The following DHX38 variants were observed in gnomAD, a reference collection of about 807,000 sequenced individuals.
DHX38 encodes pre-mRNA-splicing factor ATP-dependent RNA helicase PRP16.
DHX38 carries 100 observed loss-of-function variants against 153.1 expected under a neutral mutation model. That is an observed-to-expected ratio of 0.65 (90% CI 0.56 to 0.77). DHX38 has a LOEUF of 0.77. Among genes scored for constraint, DHX38 ranks in the 30% least tolerant of loss-of-function variants. The pLI, the probability that DHX38 is intolerant of heterozygous loss-of-function variation, is 0.00. For synonymous variants in DHX38, 650 were observed against 631.7 expected (o/e 1.03, Z -0.43); for missense variants, 1,440 against 1,654.0 (o/e 0.87, Z 2.24).
At position 72,096,176 on chromosome 16, in the gene DHX38, G is replaced by C; in HGVS notation, c.19G>C (p.Asp7His). 1 of 1,602,994 alleles carries C rather than the reference G, an allele frequency of 6.2e-7. No individual in the cohort carries two copies. Among genetic ancestry groups the C allele is most frequent in the Non-Finnish European group, 8.5e-7 (1 of 1,171,160 alleles). ...TCCTGTGATGGGGGACACCAGTGAG[G>C]ATGCCTCGATCCATCGATTGGAAGG... Reference protein sequence around the residue: MGDTSEDASIHRLEGTD... With the variant: MGDTSEHASIHRLEGTD... Residue 7 changes from aspartate (D) to histidine (H), a missense_variant, in exon 2 of 27, where the codon GAT becomes CAT. Physicochemically the swap from Asp to His is moderately conservative, Grantham distance 81 (BLOSUM62 -1). This residue lies in a region of DHX38 where 483 missense variants were observed against 465.1 expected (regional missense o/e 1.04). Coordinates refer to ENST00000268482, the MANE Select transcript of DHX38 (RefSeq NM_014003.4).
rs759604056 is a variant in DHX38 at position 72,108,541 on chromosome 16, C to T, written c.3189C>T (p.Gly1063=). 3 of 1,614,200 alleles carry T rather than the reference C, an allele frequency of 1.9e-6. No individual in the cohort carries two copies. The highest frequency in any genetic ancestry group is 2.7e-5 in the African/African-American group (2 of 75,042). The part of the protein sequence containing the change: ...VQQRMSLASC[G]TDWDIVRKCI... Reference sequence around the variant, plus strand: ...AGCGGATGAGCCTGGCCTCGTGTGGCACTGACTGGGACATCGTCAGGAAGT... The same window carrying T: ...AGCGGATGAGCCTGGCCTCGTGTGGTACTGACTGGGACATCGTCAGGAAGT... Residue 1063 remains glycine (G), a synonymous_variant, in exon 23 of 27, where the codon GGC becomes GGT. Coordinates refer to ENST00000268482, the MANE Select transcript of DHX38 (RefSeq NM_014003.4).
chr16:72,099,624 T>A, intron 7 of DHX38, 108 bp from the exon 8 acceptor site: 2 of 1,446,946 alleles, frequency 1.4e-6, no homozygotes, highest in Non-Finnish European at 1.9e-6. Flanking sequence ...CAAGGGTAGC[T>A]CCACTGCAGT....
Position 72,112,732 on chromosome 16 carries a change from G to A in DHX38, c.*235G>A. ...GCAGAGTATCCGAGGTGCTGCCGGG[G>A]CAGCGGGAGGTGGCTGGACCCATCG... On this transcript the variant is annotated 3_prime_UTR_variant, in exon 27 of 27. Transcript: ENST00000268482. The A allele has an allele frequency of 2.8e-6, 2 of 705,252 alleles. No individual in the cohort carries two copies. Among genetic ancestry groups the A allele is most frequent in the Non-Finnish European group, 2.6e-6 (1 of 387,198 alleles). The allele number at this position is 705,252 out of a possible 1,614,324, so 43.7% of individuals were successfully genotyped here. A position where few individuals can be genotyped will look rare whatever the true frequency, so the allele number is the denominator to read the frequency against.
intron 3 of DHX38, 108 bp downstream of exon 3, chr16:72,097,117 T>C: frequency 7.9e-7 from 1 of 1,259,248 alleles, no homozygotes; most frequent in Non-Finnish European, 1.1e-6. Flanking sequence ...GGGAGTCCTA[T>C]TTGCATGATG....
chr16:72,101,241 T>G (rs750372078), intron 10 of DHX38, 48 bp downstream of exon 10: 1 of 1,603,022 alleles, frequency 6.2e-7, no homozygotes, highest in Non-Finnish European at 8.5e-7. Context: ...TATTTTTTTC[T>G]TTTTTCTTCT....
rs200839114 is a variant in DHX38, at chr16:72,096,242, T to A, written c.85T>A (p.Ser29Thr). 2 of 1,614,132 alleles carry A rather than the reference T, an allele frequency of 1.2e-6. No homozygotes were observed. Among genetic ancestry groups the A allele is most frequent in the East Asian group, 4.5e-5 (2 of 44,876 alleles). The stretch of plus-strand genomic sequence containing the variant: ...TCAGGTTGGTGGTCTTATTTGCAAG[T>A]CCAAAAGTGCGGCCAGCGAGCAGCA... ...DCQVGGLICK[S>T]KSAASEQHVF... The change falls in exon 2 of 27, where the codon TCC becomes ACC. Residue 29 changes from serine to threonine, a missense_variant. This residue lies in a region of DHX38 where 483 missense variants were observed against 465.1 expected (regional missense o/e 1.04). Coordinates refer to ENST00000268482, the MANE Select transcript of DHX38 (RefSeq NM_014003.4).
At chr16:72,105,751 G>A (rs2042167103) in intron 18 of DHX38, 127 bp downstream of exon 18, 1 of 917,780 alleles carries the variant, frequency 1.1e-6, no homozygotes, top group African/African-American at 1.6e-5. Flanking sequence ...TGGTGGTGGT[G>A]GGAGGCTCAC....
intron 25 of DHX38, 75 bp downstream of exon 25, chr16:72,109,585 C>A: frequency 7.2e-7 from 1 of 1,397,194 alleles, no homozygotes; most frequent in Non-Finnish European, 9.6e-7. Context: ...GTATTGAAGA[C>A]TTGCGGTCAT....
intron 8 of DHX38, among the ~76,000 whole-genome samples, chr16:72,100,148 G>C (rs1442608704): frequency 6.6e-6 from 1 of 152,180 alleles, no homozygotes; most frequent in Non-Finnish European, 1.5e-5. Context: ...ACCTGCCTCT[G>C]TGGTCTGTGT....
chr16:72,109,308 C>T (rs1222937831), intron 24 of DHX38, 107 bp from the exon 25 acceptor site: 3 of 1,247,142 alleles, frequency 2.4e-6, no homozygotes, highest in African/African-American at 1.5e-5. Flanking sequence ...TTCAGCCTTG[C>T]AGGGCCAGGG....
intron 2 of DHX38, 125 bp from the exon 3 acceptor site, chr16:72,096,697 T>C (rs1367661426): frequency 6.7e-7 from 1 of 1,489,218 alleles, no homozygotes; most frequent in Non-Finnish European, 9.0e-7. Context: ...TGTTGCCATA[T>C]GTGAGCCTGC....
At chr16:72,097,169 A>G (rs1160254065) in intron 3 of DHX38, 160 bp downstream of exon 3, 2 of 711,934 alleles carry the variant, frequency 2.8e-6, no homozygotes, top group African/African-American at 1.8e-5. Context: ...TGGGAATACT[A>G]GTTTAAGAAA....
intron 26 of DHX38, 52 bp from the exon 27 acceptor site, chr16:72,112,361 T>C (rs2144185907): frequency 2.6e-6 from 4 of 1,561,332 alleles, no homozygotes; most frequent in Non-Finnish European, 3.5e-6. Context: ...CCTGCCCTCC[T>C]GGCTGTGGGT....
intron 4 of DHX38, among the ~76,000 whole-genome samples, chr16:72,098,082 G>A (rs1245066348): frequency 6.6e-6 from 1 of 152,226 alleles, no homozygotes; most frequent in Non-Finnish European, 1.5e-5. Flanking sequence ...CAAGAAGGGT[G>A]TGTTTGTAGA....
rs773633975 is a variant in DHX38 at position 72,109,412 on chromosome 16, C to T, written c.3382-3C>T. 2.6e-5 allele frequency: 42 copies of T among 1,612,602 alleles called. 1 individual carries two copies. In the South Asian group the frequency reaches 4.5e-4, roughly 17 times the overall value. On this transcript the variant is annotated splice_polypyrimidine_tract_variant and splice_region_variant and intron_variant, in intron 24 of 26. Coordinates refer to ENST00000268482, the MANE Select transcript of DHX38 (RefSeq NM_014003.4). ...CCTCGCCTCCCTGCCCTTCTGCCCGCAGGAGTATATGCAGTGTGTGACCGC... is the reference window on the plus strand; with the variant it reads ...CCTCGCCTCCCTGCCCTTCTGCCCGTAGGAGTATATGCAGTGTGTGACCGC...
At chr16:72,097,283 C>T (rs2042034551) in intron 3 of DHX38, 1 of 402,114 alleles carries the variant, frequency 2.5e-6, no homozygotes, top group Non-Finnish European at 4.5e-6. Flanking sequence ...GTATAAGAGA[C>T]CAGCATTTCT....
chr16:72,109,109 T>G (rs2042224009), intron 24 of DHX38, among the ~76,000 whole-genome samples, 184 bp downstream of exon 24: 1 of 152,228 alleles, frequency 6.6e-6, no homozygotes, highest in South Asian at 2.1e-4. Flanking sequence ...AGGGTTGACC[T>G]CTAGACTGCA....
chr16:72,107,627 T>C lies in DHX38; in HGVS notation c.2810-18T>C, dbSNP rs1444598907. On this transcript the variant is annotated intron_variant, in intron 20 of 26. Coordinates refer to ENST00000268482, the MANE Select transcript of DHX38 (RefSeq NM_014003.4). The surrounding 1 kb of genome is among the most constrained non-coding windows in gnomAD (Gnocchi z 5.3). ...TCTACTGTCCCGTCAAATATCCGGG[T>C]TTGCTCATCTCTCCTAGGTGGTCTG... The C allele has an allele frequency of 6.2e-7, 1 of 1,612,022 alleles. No individual in the cohort carries two copies. Among genetic ancestry groups the C allele is most frequent in the South Asian group, 1.1e-5 (1 of 91,066 alleles).
At chr16:72,105,835 G>C (rs1301969388) in intron 18 of DHX38, among the ~76,000 whole-genome samples, 170 bp from the exon 19 acceptor site, 1 of 152,214 alleles carries the variant, frequency 6.6e-6, no homozygotes, top group Non-Finnish European at 1.5e-5. Context: ...GTAGAGCTCA[G>C]AGAGCTGGTG....
Sources: gnomAD v4.1 joint callset for allele counts (sites outside exome capture counted in the v4.1 genomes callset) on GRCh38, gnomAD v4.1.1 for gene constraint, gnomAD v4.1.1 regional missense constraint, Gnocchi (gnomAD v3.1) non-coding constraint, MANE v1.5 for transcripts, NCBI Gene and HGNC (gene_info 2026-07-23, HGNC 2026-07-21) for gene names.